The following ZBTB46 variants were observed in gnomAD, a reference collection of about 807,000 sequenced individuals.
ZBTB46 encodes zinc finger and BTB domain containing 46.
In ZBTB46, 8 loss-of-function variants were observed where a neutral mutation model predicts 44.1. That is an observed-to-expected ratio of 0.18 (90% confidence interval 0.11 to 0.33). The LOEUF is 0.33. Ranked by LOEUF, ZBTB46 falls within the 10% of genes least tolerant of loss-of-function variation. ZBTB46 has a pLI of 1.00. For synonymous variants in ZBTB46, 409 were observed against 382.3 expected (o/e 1.07, Z -0.81); for missense variants, 651 against 847.7 (o/e 0.77, Z 2.88).
At chr20:63,764,429 C>G (rs2092301382) in intron 3 of ZBTB46, among the ~76,000 whole-genome samples, 1 of 150,450 alleles carries the variant, frequency 6.6e-6, no homozygotes, top group African/African-American at 2.5e-5. Flanking sequence ...GAGCGAGGCC[C>G]TGTCTCAAAA....
chr20:63,761,566 A>T (rs1264467361), intron 3 of ZBTB46, among the ~76,000 whole-genome samples: 1 of 151,854 alleles, frequency 6.6e-6, no homozygotes, highest in East Asian at 1.9e-4. Flanking sequence ...GGTGGATCAC[A>T]AGGTCAGGAG....
chr20:63,758,488 G>A (rs972146212), intron 3 of ZBTB46, among the ~76,000 whole-genome samples: 1 of 151,628 alleles, frequency 6.6e-6, no homozygotes, highest in African/African-American at 2.4e-5. Flanking sequence ...CTGCTATTCT[G>A]GAAATTGGTG....
intron 3 of ZBTB46, chr20:63,775,477 A>G (rs1022211675): frequency 1.5e-5 from 9 of 589,448 alleles, no homozygotes; most frequent in Non-Finnish European, 2.5e-5. Flanking sequence ...TTCCCTCCTC[A>G]CTCTAAAGCC....
chr20:63,790,350 G>A lies in ZBTB46; in HGVS notation c.408C>T (p.Asp136=), dbSNP rs370304894. The A allele has an allele frequency of 6.1e-5, 99 of 1,613,094 alleles. No individual in the cohort carries two copies. The highest frequency in any genetic ancestry group is 8.0e-5 in the African/African-American group (6 of 74,936). Residue 136 remains aspartate, a synonymous_variant, in exon 2 of 5, where the codon GAC becomes GAT. Transcript: ENST00000245663. ...KAALDISIKS[D]ASDELAEFEI... ...CGAACTCCGCAAGCTCATCTGAGGC[G>A]TCCGACTTGATGCTGATGTCCAGCG... is the stretch of plus-strand genomic sequence containing the variant.
At chr20:63,764,786 G>A (rs1231316054) in intron 3 of ZBTB46, among the ~76,000 whole-genome samples, 1 of 151,792 alleles carries the variant, frequency 6.6e-6, no homozygotes, top group African/African-American at 2.4e-5. Flanking sequence ...ATTTTTAGTA[G>A]AGATGGGGTT....
In ZBTB46 at chr20:63,815,164, G is replaced by C. The variant is rs1270896224; in HGVS notation, c.-34+15933C>G. 9 of 234,590 alleles carry C rather than the reference G, an allele frequency of 3.8e-5. No homozygotes were observed. In the East Asian group the frequency reaches 1.3e-3, roughly 34 times the overall value. The allele number at this position is 234,590 out of a possible 1,614,324, so 14.5% of individuals were successfully genotyped here. ...GCCGAGAGCCCAAGTCTGAGCTGAAGGCACAGGTGCAGTGGGCCCAGGTGC... is the reference window on the plus strand; with the variant it reads ...GCCGAGAGCCCAAGTCTGAGCTGAACGCACAGGTGCAGTGGGCCCAGGTGC... On this transcript the variant is annotated intron_variant, in intron 1 of 4. Coordinates refer to ENST00000245663, the MANE Select transcript of ZBTB46 (RefSeq NM_001369741.1).
upstream of ZBTB46, chr20:63,831,319 GC>G (rs2092850717): frequency 7.9e-6 from 1 of 126,204 alleles, no homozygotes; most frequent in South Asian, 2.4e-4. Context: ...CGCGCGCCCC[GC>G]CCGCGGACCC....
At chr20:63,800,684 C>G (rs1294046086) in intron 1 of ZBTB46, among the ~76,000 whole-genome samples, 1 of 152,228 alleles carries the variant, frequency 6.6e-6, no homozygotes, top group East Asian at 1.9e-4. Context: ...GGGCTTAGCA[C>G]CCGGGCCAGC....
At position 63,823,688 on chromosome 20, in the gene ZBTB46, G is replaced by A. The variant is rs1159676622; in HGVS notation, c.-34+7409C>T. Among the ~76,000 whole-genome samples the A allele has an allele frequency of 2.0e-5, 3 of 151,858 alleles. No homozygotes were observed. In the East Asian group the frequency reaches 5.8e-4, roughly 29 times the overall value. On this transcript the variant is annotated intron_variant, in intron 1 of 4. Transcript: ENST00000245663. ...ACTCCAGCCTGGGCAACAGAACGAG[G>A]CCCCTTCTCAAAAAAAAATTAAATA...
At chr20:63,801,434 G>A (rs1307309947) in intron 1 of ZBTB46, among the ~76,000 whole-genome samples, 3 of 152,210 alleles carry the variant, frequency 2.0e-5, no homozygotes, top group Non-Finnish European at 1.5e-5. Context: ...TCAGCTCTCT[G>A]TAAAATGGAC....
chr20:63,811,351 C>A (rs2092716714), intron 1 of ZBTB46, among the ~76,000 whole-genome samples: 1 of 152,226 alleles, frequency 6.6e-6, no homozygotes. Flanking sequence ...AGTCAAGCAG[C>A]CTTCCTCTCC....
At chr20:63,780,413 C>CAA (rs921872494) in intron 2 of ZBTB46, among the ~76,000 whole-genome samples, 6 of 152,160 alleles carry the variant, frequency 3.9e-5, no homozygotes, top group African/African-American at 1.2e-4. Flanking sequence ...AAGTGAACCT[C>CAA]AAGCTGATCT....
At chr20:63,824,438 G>A (rs1600729875) in intron 1 of ZBTB46, among the ~76,000 whole-genome samples, 2 of 152,074 alleles carry the variant, frequency 1.3e-5, no homozygotes, top group Non-Finnish European at 2.9e-5. Context: ...ACCAAGACAA[G>A]AAAGACTACA....
chr20:63,801,757 T>G lies in ZBTB46; in HGVS notation c.-33-10967A>C, dbSNP rs150641266. On this transcript the variant is annotated intron_variant, in intron 1 of 4. Transcript: ENST00000245663. ...ACGCCGCCTTTAAGAACTGTAACAC[T>G]CACCGCGAGAGTCCATGGCTTCATT... is the stretch of plus-strand genomic sequence containing the variant. 2.0e-5 allele frequency among the ~76,000 whole-genome samples: 3 copies of G among 152,102 alleles called. No individual in the cohort carries two copies. The East Asian group carries it at 5.8e-4, about 29-fold the overall frequency.
intron 3 of ZBTB46, among the ~76,000 whole-genome samples, chr20:63,764,367 C>T (rs186804555): frequency 1.1e-4 from 17 of 151,434 alleles, no homozygotes; most frequent in Non-Finnish European, 2.4e-4. Context: ...ACTCGGGAGG[C>T]AGAGGTTGCA....
In ZBTB46 at chr20:63,751,839, T is replaced by TC. The variant is rs372136530; in HGVS notation, c.1398+846dup. On this transcript the variant is annotated intron_variant, in intron 4 of 4. Coordinates refer to ENST00000245663, the MANE Select transcript of ZBTB46 (RefSeq NM_001369741.1). ...ATGAAGCCCCGCCCCCCGGTGGGTC[T>TC]CCCATGAAGCCCCGCCCCCCGGTGG... is the stretch of plus-strand genomic sequence containing the variant. Among the ~76,000 whole-genome samples, 142 of 75,894 alleles carry TC rather than the reference T, an allele frequency of 1.9e-3. 6 individuals carry two copies. The highest frequency in any genetic ancestry group is 6.9e-3 in the African/African-American group (129 of 18,586). 49.8% of individuals were successfully genotyped at this position (75,894 alleles called of 152,430 possible). A position where few individuals can be genotyped will look rare whatever the true frequency, so the allele number is the denominator to read the frequency against.
intron 3 of ZBTB46, among the ~76,000 whole-genome samples, chr20:63,754,216 G>C (rs906025438): frequency 6.6e-6 from 1 of 152,194 alleles, no homozygotes; most frequent in East Asian, 1.9e-4. Context: ...GGCTCCTGAC[G>C]AGGAAATCCC....
intron 1 of ZBTB46, among the ~76,000 whole-genome samples, chr20:63,806,300 G>C (rs1042540703): frequency 2.1e-4 from 31 of 150,676 alleles, no homozygotes; most frequent in Non-Finnish European, 8.9e-5. Context: ...CCAGCTACTC[G>C]GGAGGCTGAT....
At chr20:63,780,679 G>A (rs2092462169) in intron 2 of ZBTB46, among the ~76,000 whole-genome samples, 1 of 151,874 alleles carries the variant, frequency 6.6e-6, no homozygotes, top group Non-Finnish European at 1.5e-5. Flanking sequence ...GCGGGCGCCT[G>A]TAGTCCCAGC....
Sources: allele counts gnomAD v4.1 joint callset (sites outside exome capture counted in the v4.1 genomes callset), GRCh38; gene constraint gnomAD v4.1.1; transcripts MANE v1.5; gene names NCBI Gene and HGNC (gene_info 2026-07-23, HGNC 2026-07-21).